The following ZNF665 variants were observed in gnomAD, a reference collection of about 807,000 sequenced individuals.
The protein encoded by ZNF665 is zinc finger protein 665.
ZNF665 carries 6 observed loss-of-function variants against 7.9 expected under a neutral mutation model. The observed-to-expected ratio is 0.76, with a 90% CI of 0.42 to 1.50. ZNF665 has a LOEUF of 1.50. Ranked by LOEUF, ZNF665 falls within the 40% of genes most tolerant of loss-of-function variation. ZNF665 has a pLI of 0.01. For missense variants in ZNF665, 819 were observed against 806.7 expected (o/e 1.02, Z -0.18); for synonymous variants, 242 against 274.5 (o/e 0.88, Z 1.17).
In ZNF665 at chr19:53,165,728, T is replaced by C; in HGVS notation, c.762A>G (p.Arg254=). Residue 254 remains arginine, a synonymous_variant, in exon 4 of 4, where the codon AGA becomes AGG. Coordinates refer to ENST00000396424, the MANE Select transcript of ZNF665 (RefSeq NM_024733.5). ...SQPSNLAGHQ[R]IHTGEKPYKC... ...TGTAAGGTTTCTCTCCAGTATGAAT[T>C]CTCTGATGACCTGCAAGGTTTGAAG... The C allele has an allele frequency of 6.2e-7, 1 of 1,614,168 alleles. No individual in the cohort carries two copies. The highest frequency in any genetic ancestry group is 8.5e-7 in the Non-Finnish European group (1 of 1,180,032).
In ZNF665 at chr19:53,167,853, G is replaced by A. The variant is rs1315520469; in HGVS notation, c.143-1506C>T. On this transcript the variant is annotated intron_variant, in intron 3 of 3. Coordinates refer to ENST00000396424, the MANE Select transcript of ZNF665 (RefSeq NM_024733.5). ...GGGTGGATCACGAGGTCAGGAGATC[G>A]AGACCATCCTGGCTAACACGATGAA... Among the ~76,000 whole-genome samples the A allele has an allele frequency of 2.7e-5, 4 of 147,722 alleles. No individual in the cohort carries two copies. The South Asian group carries it at 6.5e-4, about 24-fold the overall frequency.
chr19:53,189,498 C>A (rs991125500), intron 1 of ZNF665, among the ~76,000 whole-genome samples: 1 of 146,652 alleles, frequency 6.8e-6, no homozygotes, highest in Non-Finnish European at 1.5e-5. Context: ...TGCCTGGCAG[C>A]CGAGGCAGAG....
intron 3 of ZNF665, among the ~76,000 whole-genome samples, chr19:53,169,171 G>T (rs1568656874): frequency 6.6e-6 from 1 of 152,032 alleles, no homozygotes; most frequent in East Asian, 1.9e-4. Context: ...ATCTGATAAA[G>T]ACTTTGTATC....
At chr19:53,193,068 G>A (rs530135162) in intron 1 of ZNF665, among the ~76,000 whole-genome samples, 1 of 152,284 alleles carries the variant, frequency 6.6e-6, no homozygotes, top group Non-Finnish European at 1.5e-5. Flanking sequence ...GTTTTAAGCA[G>A]GAAACGGCGC....
intron 3 of ZNF665, among the ~76,000 whole-genome samples, chr19:53,174,733 G>A (rs1288330240): frequency 1.3e-5 from 2 of 152,152 alleles, no homozygotes; most frequent in Admixed American, 6.5e-5. Flanking sequence ...GAGGTCAGGA[G>A]TTCGGGACTA....
rs774857055 is a variant in ZNF665 at position 53,182,947 on chromosome 19, G to A, written c.-45-4C>T. 6.2e-7 allele frequency: 1 copy of A among 1,603,694 alleles called. No homozygotes were observed. The highest frequency in any genetic ancestry group is 8.5e-7 in the Non-Finnish European group (1 of 1,178,406). Reference sequence around the variant, plus strand: ...TCCTCTTCTTCCAGGGTTCTACCTTGGGTAACATGAAAGAGACTTTAGAAT... The same window carrying A: ...TCCTCTTCTTCCAGGGTTCTACCTTAGGTAACATGAAAGAGACTTTAGAAT... On this transcript the variant is annotated splice_polypyrimidine_tract_variant and splice_region_variant and intron_variant, in intron 1 of 3. Transcript: ENST00000396424.
intron 2 of ZNF665, among the ~76,000 whole-genome samples, chr19:53,177,152 A>G (rs1278028777): frequency 6.6e-6 from 1 of 151,806 alleles, no homozygotes; most frequent in Non-Finnish European, 1.5e-5. Context: ...CAAACAAAAA[A>G]CTGAACCAGT....
At chr19:53,171,750 T>C (rs755337807) in intron 3 of ZNF665, among the ~76,000 whole-genome samples, 64 of 151,726 alleles carry the variant, frequency 4.2e-4, no homozygotes, top group Non-Finnish European at 7.7e-4. Flanking sequence ...TAATTTTTTA[T>C]GATAGATTTG....
chr19:53,174,441 C>A (rs1200965501), intron 3 of ZNF665, among the ~76,000 whole-genome samples: 1 of 151,916 alleles, frequency 6.6e-6, no homozygotes, highest in Non-Finnish European at 1.5e-5. Context: ...TTTATTTTCC[C>A]AAAAAACTCT....
chr19:53,171,434 T>A (rs1168241475), intron 3 of ZNF665, among the ~76,000 whole-genome samples: 2 of 149,946 alleles, frequency 1.3e-5, no homozygotes, highest in Non-Finnish European at 3.0e-5. Flanking sequence ...TGTATGGCAG[T>A]ACACTATGTA....
chr19:53,166,309 T>G lies in ZNF665; in HGVS notation c.181A>C (p.Lys61Gln). The G allele has an allele frequency of 6.3e-7, 1 of 1,595,488 alleles. No individual in the cohort carries two copies. The highest frequency in any genetic ancestry group is 1.1e-5 in the South Asian group (1 of 87,080). The change falls in exon 4 of 4, where the codon AAG becomes CAG. Residue 61 changes from lysine to glutamine, a missense_variant. Physicochemically the swap from Lys to Gln is moderately conservative, Grantham distance 53. Coordinates refer to ENST00000396424, the MANE Select transcript of ZNF665 (RefSeq NM_024733.5). ...CKCVNTDLPPKGKNNMGEAFY... is the reference protein window; with the variant it reads ...CKCVNTDLPPQGKNNMGEAFY... ...GCTTCTCCCATATTGTTCTTCCCCT[T>G]TGGTGGCAAATCCGTGTTTACACAT...
intron 3 of ZNF665, among the ~76,000 whole-genome samples, chr19:53,169,739 T>C (rs1437054908): frequency 1.4e-5 from 2 of 144,882 alleles, no homozygotes; most frequent in Non-Finnish European, 3.0e-5. Flanking sequence ...TGTGTCCATG[T>C]GTTCTTATTG....
At position 53,164,475 on chromosome 19, in the gene ZNF665, T is replaced by C. The variant is rs773070087; in HGVS notation, c.2015A>G (p.His672Arg). 13 of 1,597,902 alleles carry C rather than the reference T, an allele frequency of 8.1e-6. No individual in the cohort carries two copies. The highest frequency in any genetic ancestry group is 1.3e-5 in the African/African-American group (1 of 74,580). Residue 672 changes from histidine to arginine, a missense_variant, in exon 4 of 4, where the codon CAT becomes CGT. Transcript: ENST00000396424. ...VFTQNSNLAK[H>R]RRIHSG ...TTTCTATCCACTATGAATTCTTCGA[T>C]GTTTTGCAAGGTTTGAATTTTGAGT...
At chr19:53,182,765 G>A in intron 2 of ZNF665, 119 bp downstream of exon 2, 1 of 1,512,942 alleles carries the variant, frequency 6.6e-7, no homozygotes, top group Non-Finnish European at 9.2e-7. Context: ...GAAGGCACGA[G>A]TGAGTGCGAG....
chr19:53,178,418 T>C (rs2090713787), intron 2 of ZNF665, among the ~76,000 whole-genome samples: 1 of 151,996 alleles, frequency 6.6e-6, no homozygotes, highest in African/African-American at 2.4e-5. Context: ...ACTGTGAAAA[T>C]GAGGTTTACA....
Position 53,164,510 on chromosome 19 carries a change from G to A in ZNF665, c.1980C>T (p.Gly660=), listed in dbSNP as rs2090588731. 6.2e-7 allele frequency: 1 copy of A among 1,610,960 alleles called. No individual in the cohort carries two copies. Among genetic ancestry groups the A allele is most frequent in the African/African-American group, 1.3e-5 (1 of 74,828 alleles). ...GDKPYKCNQC[G]KVFTQNSNLA... ...GGTTTGAATTTTGAGTAAAGACCTT[G>A]CCACATTGGTTACATTTGTAAGGTT... The change falls in exon 4 of 4, where the codon GGC becomes GGT. Residue 660 remains glycine, a synonymous_variant. Coordinates refer to ENST00000396424, the MANE Select transcript of ZNF665 (RefSeq NM_024733.5).
chr19:53,183,045 A>C (rs1201059669), intron 1 of ZNF665, 102 bp from the exon 2 acceptor site: 2 of 1,251,862 alleles, frequency 1.6e-6, no homozygotes, highest in African/African-American at 2.9e-5. Context: ...CCATAACCTT[A>C]TACACAGGGA....
chr19:53,182,978 C>A, intron 1 of ZNF665, 35 bp from the exon 2 acceptor site: 2 of 1,578,276 alleles, frequency 1.3e-6, no homozygotes, highest in Non-Finnish European at 8.6e-7. Flanking sequence ...AGAATTCAAT[C>A]CTGAATGTCA....
chr19:53,177,936 C>T (rs76427513), intron 2 of ZNF665, among the ~76,000 whole-genome samples: 5 of 152,158 alleles, frequency 3.3e-5, no homozygotes, highest in South Asian at 2.1e-4. Context: ...AATGACAGAG[C>T]AAGTACCTGT....
Sources: gnomAD v4.1 joint callset for allele counts (sites outside exome capture counted in the v4.1 genomes callset) on GRCh38, gnomAD v4.1.1 for gene constraint, MANE v1.5 for transcripts, NCBI Gene and HGNC (gene_info 2026-07-23, HGNC 2026-07-21) for gene names.